Variants in PMS2 observed in about 807,000 individuals in gnomAD.
PMS2 encodes the protein mismatch repair endonuclease PMS2.
In PMS2, 69 loss-of-function variants were observed where a neutral mutation model predicts 90.0. The ratio of observed to expected loss-of-function variants is 0.77; its 90% CI spans 0.63 to 0.94. The LOEUF is 0.94. PMS2 is among the 40% of genes least tolerant of loss of function. PMS2 has a pLI of 0.00. For missense variants in PMS2, 966 were observed against 1,040.2 expected (o/e 0.93, Z 0.98); for synonymous variants, 332 against 375.1 (o/e 0.89, Z 1.33).
At chr7:5,998,921 C>T (rs1012643837) in intron 6 of PMS2, among the ~76,000 whole-genome samples, 187 bp downstream of exon 6, 10 of 150,292 alleles carry the variant, frequency 6.7e-5, no homozygotes, top group Admixed American at 2.7e-4. Flanking sequence ...ATCTGGGAGG[C>T]GGAGGTTGCA....
Position 5,996,593 on chromosome 7 carries a change from AT to A in PMS2, c.803+732del, listed in dbSNP as rs71549607. 8.0e-5 allele frequency among the ~76,000 whole-genome samples: 6 copies of A among 75,218 alleles called. No individual in the cohort carries two copies. In the East Asian group the frequency reaches 1.4e-3, roughly 17 times the overall value. 49.3% of individuals were successfully genotyped at this position (75,218 alleles called of 152,430 possible). ...TCTCAAAGCTAAAAAAAAAAAAAAT[AT>A]ATATATATATATATATATACACACA... is the stretch of plus-strand genomic sequence containing the variant. On this transcript the variant is annotated intron_variant, in intron 7 of 14. Transcript: ENST00000265849.
At chr7:6,004,430 C>T (rs1447479967) in intron 2 of PMS2, 13 of 202,360 alleles carry the variant, frequency 6.4e-5, no homozygotes, top group African/African-American at 2.4e-4. Flanking sequence ...ATAAAGAGAA[C>T]GGGGACCGGG....
intron 1 of PMS2, among the ~76,000 whole-genome samples, 156 bp downstream of exon 1, chr7:6,008,841 C>A (rs1239952847): frequency 2.0e-5 from 3 of 152,200 alleles, no homozygotes; most frequent in Non-Finnish European, 4.4e-5. Context: ...GGCACGAGAT[C>A]GCTGCAACAC....
intron 9 of PMS2, among the ~76,000 whole-genome samples, chr7:5,991,559 G>A (rs1163503307): frequency 3.3e-5 from 5 of 151,656 alleles, no homozygotes; most frequent in Non-Finnish European, 7.4e-5. Flanking sequence ...AAATTATAGG[G>A]CCAGGCACGG....
rs767904893 is a variant in PMS2 at position 5,986,864 on chromosome 7, T to C, written c.1901A>G (p.His634Arg). Residue 634 changes from histidine to arginine, a missense_variant, in exon 11 of 15, where the codon CAT (histidine) becomes CGT (arginine). Transcript: ENST00000265849. ...SLAKRIKQLH[H>R]EAQQSEGEQN... ...TTCCCCTTCACTTTGCTGTGCTTCA[T>C]GATGTAACTGCTTTATTCGTTTAGC... The C allele has an allele frequency of 6.8e-6, 11 of 1,614,140 alleles. No homozygotes were observed. In the Admixed American group the frequency reaches 1.5e-4, roughly 22 times the overall value.
intron 6 of PMS2, among the ~76,000 whole-genome samples, 188 bp from the exon 7 acceptor site, chr7:5,997,611 C>T (rs1784573275): frequency 6.6e-6 from 1 of 152,164 alleles, no homozygotes; most frequent in Admixed American, 6.6e-5. Flanking sequence ...ATGGCTCAAT[C>T]ATACCTCACT....
At chr7:6,008,190 T>A (rs537800552) in intron 1 of PMS2, among the ~76,000 whole-genome samples, 3 of 152,240 alleles carry the variant, frequency 2.0e-5, no homozygotes, top group South Asian at 2.1e-4. Context: ...AGGGAGCGCA[T>A]TTAGACACAG....
At chr7:5,990,811 C>T (rs1006797788) in intron 9 of PMS2, among the ~76,000 whole-genome samples, 1 of 152,086 alleles carries the variant, frequency 6.6e-6, no homozygotes, top group African/African-American at 2.4e-5. Context: ...GTCAGGAGTT[C>T]AAGACCAGCC....
chr7:5,977,820 C>T (rs1351161064), intron 13 of PMS2, 63 bp from the exon 14 acceptor site: 3 of 1,572,278 alleles, frequency 1.9e-6, no homozygotes, highest in African/African-American at 1.4e-5. Flanking sequence ...TTGAAAGCTA[C>T]TTAGGATGAA....
At chr7:5,993,302 G>C (rs1783966552) in intron 8 of PMS2, among the ~76,000 whole-genome samples, 1 of 141,564 alleles carries the variant, frequency 7.1e-6, no homozygotes, top group Non-Finnish European at 1.5e-5. Context: ...ACCTGGGAGG[G>C]AGAGCTTGCA....
chr7:5,996,590 A>AAAAATAT (rs56858711), intron 7 of PMS2, among the ~76,000 whole-genome samples: 2,535 of 109,374 alleles, frequency 0.023, 55 homozygotes, highest in Non-Finnish European at 0.033. Context: ...AAAAAAAAAA[A>AAAAATAT]ATATATATAT....
At chr7:5,983,412 C>T (rs1782521343) in intron 11 of PMS2, among the ~76,000 whole-genome samples, 1 of 151,348 alleles carries the variant, frequency 6.6e-6, no homozygotes, top group African/African-American at 2.4e-5. Flanking sequence ...TTCGGCTTAA[C>T]CATCCCACTT....
intron 4 of PMS2, 58 bp from the exon 5 acceptor site, chr7:6,002,694 G>T: frequency 7.6e-7 from 1 of 1,308,470 alleles, no homozygotes; most frequent in Non-Finnish European, 1.1e-6. Flanking sequence ...GTTGGGCACT[G>T]ACTACTCTTT....
At chr7:5,986,467 G>A (rs986953075) in intron 11 of PMS2, among the ~76,000 whole-genome samples, 10 of 152,016 alleles carry the variant, frequency 6.6e-5, no homozygotes, top group African/African-American at 2.4e-4. Flanking sequence ...CAAGGTGGCT[G>A]GATCACCTGA....
chr7:5,989,127 A>G (rs1023224488), intron 10 of PMS2, among the ~76,000 whole-genome samples: 6 of 152,112 alleles, frequency 3.9e-5, no homozygotes, highest in South Asian at 4.1e-4. Flanking sequence ...TGGGATTACA[A>G]GCATGAGCCG....
chr7:5,992,125 CATTCT>C (rs900122802), intron 8 of PMS2, 68 bp from the exon 9 acceptor site: 9 of 846,502 alleles, frequency 1.1e-5, no homozygotes, highest in Admixed American at 3.6e-5. Flanking sequence ...ATTCTAACAA[CATTCT>C]ATTCTAACCA....
chr7:5,993,839 G>T (rs570487434), intron 8 of PMS2, among the ~76,000 whole-genome samples: 195 of 130,228 alleles, frequency 1.5e-3, no homozygotes, highest in African/African-American at 4.8e-3. Context: ...CCAGCCTGGG[G>T]GTGACAGAGC....
chr7:5,993,261 C>A (rs1017570187), intron 8 of PMS2, among the ~76,000 whole-genome samples: 1 of 150,730 alleles, frequency 6.6e-6, no homozygotes, highest in East Asian at 2.0e-4. Context: ...ATCCCAGCTA[C>A]TTGAGAGGCT....
In PMS2 at chr7:6,002,637, C is replaced by T. The variant is rs786203954; in HGVS notation, c.354-1G>A. The stretch of plus-strand genomic sequence containing the variant: ...GTGGCAGGTAGAAATGGTGACATCG[C>T]TGTGAGAGAATACCAGGCATGGTGT... On this transcript the variant is annotated splice_acceptor_variant, in intron 4 of 14. Transcript: ENST00000265849. LOFTEE classifies it high-confidence loss of function. 6.2e-7 allele frequency: 1 copy of T among 1,610,532 alleles called. No individual in the cohort carries two copies. The highest frequency in any genetic ancestry group is 1.1e-5 in the South Asian group (1 of 90,948).
Sources: allele counts gnomAD v4.1 joint callset (sites outside exome capture counted in the v4.1 genomes callset), GRCh38; gene constraint gnomAD v4.1.1; transcripts MANE v1.5; gene names NCBI Gene and HGNC (gene_info 2026-07-23, HGNC 2026-07-21).